Variants in HARBI1 observed in about 807,000 individuals in gnomAD.
HARBI1 encodes putative nuclease HARBI1.
HARBI1 carries 15 observed loss-of-function variants against 25.3 expected under a neutral mutation model. That is an observed-to-expected ratio of 0.59 (90% CI 0.40 to 0.91). HARBI1 has a LOEUF of 0.91. HARBI1 is among the 40% of genes least tolerant of loss of function. The pLI is 0.00. For missense variants in HARBI1, 396 were observed against 445.8 expected (o/e 0.89, Z 1.01); for synonymous variants, 168 against 160.5 (o/e 1.05, Z -0.35).
At chr11:46,605,094 G>C (rs941344263) in intron 2 of HARBI1, among the ~76,000 whole-genome samples, 2 of 152,172 alleles carry the variant, frequency 1.3e-5, no homozygotes, top group African/African-American at 4.8e-5. Context: ...ATAGGCCCTG[G>C]AGTACCAGTT....
rs746885615 is a variant in HARBI1 at position 46,615,673 on chromosome 11, C to T, written c.565G>A (p.Val189Met). The T allele has an allele frequency of 9.5e-5, 153 of 1,614,080 alleles. No individual in the cohort carries two copies. The highest frequency in any genetic ancestry group is 1.2e-4 in the Non-Finnish European group (146 of 1,180,034). The change falls in exon 2 of 3, where the codon GTG becomes ATG. Residue 189 changes from valine to methionine, a missense_variant. Val to Met is a conservative substitution (Grantham distance 21). Transcript: ENST00000326737. ...VCDIRGTLMT[V>M]ETNWPGSLQD... The stretch of plus-strand genomic sequence containing the variant: ...AGGCTGCCGGGCCAGTTTGTCTCCA[C>T]GGTCATTAGTGTCCCTCTAATGTCA...
chr11:46,611,718 A>T (rs2045191329), intron 2 of HARBI1, among the ~76,000 whole-genome samples: 1 of 151,952 alleles, frequency 6.6e-6, no homozygotes, highest in Non-Finnish European at 1.5e-5. Context: ...GACAAAAAAA[A>T]AAAAAAGGTG....
In HARBI1 at chr11:46,615,592, T is replaced by C. The variant is rs1367905971; in HGVS notation, c.646A>G (p.Met216Val). ...CCCAGAAGCCAGCTATCTTTGTGCA[T>C]ACCCGCTTCAAACTGACTACTGAGG... ...SSLSSQFEAG[M>V]HKDSWLLGDS... Residue 216 changes from methionine to valine, a missense_variant, in exon 2 of 3, where the codon ATG becomes GTG. Coordinates refer to ENST00000326737, the MANE Select transcript of HARBI1 (RefSeq NM_173811.4). 2 of 1,614,106 alleles carry C rather than the reference T, an allele frequency of 1.2e-6. No homozygotes were observed. The highest frequency in any genetic ancestry group is 1.7e-5 in the Admixed American group (1 of 60,012).
chr11:46,613,125 A>C (rs1257390863), intron 2 of HARBI1, among the ~76,000 whole-genome samples: 1 of 151,390 alleles, frequency 6.6e-6, no homozygotes, highest in Non-Finnish European at 1.5e-5. Context: ...GACTACAGGC[A>C]TGCGCCACCA....
At chr11:46,604,192 G>A (rs1052412918) in intron 2 of HARBI1, 1 of 985,310 alleles carries the variant, frequency 1.0e-6, no homozygotes, top group Non-Finnish European at 1.2e-6. Context: ...TAGGAAGGAG[G>A]TGAAGGCACT....
chr11:46,604,879 C>T (rs545859277), intron 2 of HARBI1, among the ~76,000 whole-genome samples: 18 of 152,278 alleles, frequency 1.2e-4, no homozygotes, highest in Admixed American at 7.8e-4. Flanking sequence ...AAAATACACA[C>T]AAGGCATTCT....
intron 2 of HARBI1, among the ~76,000 whole-genome samples, chr11:46,609,972 C>G (rs1157311453): frequency 6.6e-6 from 1 of 151,342 alleles, no homozygotes; most frequent in Non-Finnish European, 1.5e-5. Context: ...CCTGCCTCAG[C>G]CTCCTGAATA....
chr11:46,612,228 G>T (rs553831546), intron 2 of HARBI1, among the ~76,000 whole-genome samples: 1 of 151,968 alleles, frequency 6.6e-6, no homozygotes, highest in Non-Finnish European at 1.5e-5. Flanking sequence ...TTATGAGCCT[G>T]GGCTGAGGCC....
At chr11:46,604,925 G>A (rs2044879228) in intron 2 of HARBI1, among the ~76,000 whole-genome samples, 1 of 152,190 alleles carries the variant, frequency 6.6e-6, no homozygotes, top group Non-Finnish European at 1.5e-5. Flanking sequence ...ATCCCAGGAA[G>A]TGCTAACAAA....
At chr11:46,617,787 C>T, upstream of HARBI1, 2 of 399,252 alleles carry the variant, frequency 5.0e-6, no homozygotes, top group Admixed American at 8.8e-5. Flanking sequence ...GTCACTGCAG[C>T]TCCGGAGCGC....
chr11:46,607,671 G>T (rs2045007271), intron 2 of HARBI1, among the ~76,000 whole-genome samples: 2 of 152,148 alleles, frequency 1.3e-5, no homozygotes, highest in African/African-American at 4.8e-5. Context: ...CTCAAGAGGG[G>T]ATTAGGATCA....
intron 2 of HARBI1, among the ~76,000 whole-genome samples, chr11:46,609,666 TC>T (rs988501755): frequency 1.3e-5 from 2 of 151,844 alleles, no homozygotes; most frequent in Non-Finnish European, 2.9e-5. Context: ...TTCCAAGATT[TC>T]TTCATGCCTC....
chr11:46,615,596 C>T lies in HARBI1; in HGVS notation c.642G>A (p.Ala214=), dbSNP rs1436499513. The T allele has an allele frequency of 1.9e-5, 31 of 1,613,944 alleles. No homozygotes were observed. Among genetic ancestry groups the T allele is most frequent in the Admixed American group, 5.0e-5 (3 of 59,960 alleles). Residue 214 remains alanine, a synonymous_variant, in exon 2 of 3, where the codon GCG becomes GCA. Coordinates refer to ENST00000326737, the MANE Select transcript of HARBI1 (RefSeq NM_173811.4). ...QQSSLSSQFE[A]GMHKDSWLLG... ...GAAGCCAGCTATCTTTGTGCATACC[C>T]GCTTCAAACTGACTACTGAGGGAAG...
In HARBI1 at chr11:46,616,320, GA is replaced by G; in HGVS notation, c.-84del. The G allele has an allele frequency of 6.6e-7, 1 of 1,512,804 alleles. No individual in the cohort carries two copies. Among genetic ancestry groups the G allele is most frequent in the East Asian group, 2.3e-5 (1 of 44,118 alleles). 93.7% of individuals were successfully genotyped at this position (1,512,804 alleles called of 1,614,324 possible). On this transcript the variant is annotated 5_prime_UTR_variant, in exon 2 of 3. Coordinates refer to ENST00000326737, the MANE Select transcript of HARBI1 (RefSeq NM_173811.4). ...TGTTGGTGCAAGAACGTATTTTTAA[GA>G]AAGTATCAGAATCCAACAGCTAACC...
rs1268365785 is a variant in HARBI1, at chr11:46,616,160, C to T, written c.78G>A (p.Lys26=). Residue 26 remains lysine, a synonymous_variant, in exon 2 of 3, where the codon AAG becomes AAA. Coordinates refer to ENST00000326737, the MANE Select transcript of HARBI1 (RefSeq NM_173811.4). Reference sequence around the variant, plus strand: ...AGTATTCATCAGTCACATCATCCAGCTTAAAACGGTCCAATGTCCGGTGAC... The same window carrying T: ...AGTATTCATCAGTCACATCATCCAGTTTAAAACGGTCCAATGTCCGGTGAC... ...GRGHRTLDRF[K]LDDVTDEYLM... The T allele has an allele frequency of 1.9e-6, 3 of 1,613,938 alleles. No homozygotes were observed. The highest frequency in any genetic ancestry group is 3.3e-4 in the Middle Eastern group (2 of 6,084).
chr11:46,603,317 C>G lies in HARBI1; in HGVS notation c.*213G>C, dbSNP rs1414957921. 4 of 481,522 alleles carry G rather than the reference C, an allele frequency of 8.3e-6. No homozygotes were observed. Among genetic ancestry groups the G allele is most frequent in the African/African-American group, 7.8e-5 (4 of 51,306 alleles). 29.8% of individuals were successfully genotyped at this position (481,522 alleles called of 1,614,324 possible). A position where few individuals can be genotyped will look rare whatever the true frequency, so the allele number is the denominator to read the frequency against. Reference sequence around the variant, plus strand: ...TAGAGTTCACTGGATAGTAGGGAGCCGCTGTCTTGGTTTCAGTTTAATTAA... The same window carrying G: ...TAGAGTTCACTGGATAGTAGGGAGCGGCTGTCTTGGTTTCAGTTTAATTAA... On this transcript the variant is annotated 3_prime_UTR_variant, in exon 3 of 3. Coordinates refer to ENST00000326737, the MANE Select transcript of HARBI1 (RefSeq NM_173811.4).
chr11:46,608,948 A>AG (rs2045067750), intron 2 of HARBI1, among the ~76,000 whole-genome samples: 2 of 145,152 alleles, frequency 1.4e-5, no homozygotes, highest in Admixed American at 1.4e-4. Context: ...TTTGAGGCAA[A>AG]GTCTCGCTCT....
rs1252298208 is a variant in HARBI1 at position 46,615,971 on chromosome 11, C to G, written c.267G>C (p.Met89Ile). Residue 89 changes from methionine (M) to isoleucine (I), a missense_variant, in exon 2 of 3, where the codon ATG becomes ATC. Physicochemically the swap from Met to Ile is conservative, Grantham distance 10 (BLOSUM62 1). Coordinates refer to ENST00000326737, the MANE Select transcript of HARBI1 (RefSeq NM_173811.4). Reference protein sequence around the residue: ...FYTSGSFQTRMGDAIGISQAS... With the variant: ...FYTSGSFQTRIGDAIGISQAS... ...CCTGACTGATTCCAATGGCATCTCCCATCCGAGTCTGGAAGGAACCTGAGG... is the reference window on the plus strand; with the variant it reads ...CCTGACTGATTCCAATGGCATCTCCGATCCGAGTCTGGAAGGAACCTGAGG... The G allele has an allele frequency of 6.2e-7, 1 of 1,614,054 alleles. No homozygotes were observed. Among genetic ancestry groups the G allele is most frequent in the African/African-American group, 1.3e-5 (1 of 74,922 alleles).
intron 2 of HARBI1, 168 bp from the exon 3 acceptor site, chr11:46,604,077 C>A (rs2044849072): frequency 1.0e-6 from 1 of 985,200 alleles, no homozygotes; most frequent in African/African-American, 1.7e-5. Flanking sequence ...AGAAATCATG[C>A]CAATGCCAGG....
Sources: gnomAD v4.1 joint callset for allele counts (sites outside exome capture counted in the v4.1 genomes callset) on GRCh38, gnomAD v4.1.1 for gene constraint, MANE v1.5 for transcripts, NCBI Gene and HGNC (gene_info 2026-07-23, HGNC 2026-07-21) for gene names.